The following NFKBID variants were observed in gnomAD, a reference collection of about 807,000 sequenced individuals.
NFKBID encodes the protein NF-kappa-B inhibitor delta.
NFKBID carries 26 observed loss-of-function variants against 53.4 expected under a neutral mutation model. The ratio of observed to expected loss-of-function variants is 0.49; its 90% confidence interval spans 0.36 to 0.68. NFKBID has a LOEUF of 0.68. NFKBID is among the 30% of genes least tolerant of loss of function. The probability of loss-of-function intolerance (pLI) is 0.00; values close to 1 mark genes in which losing one functional copy is unlikely to be tolerated. For synonymous variants in NFKBID, 262 were observed against 259.8 expected (o/e 1.01, Z -0.08); for missense variants, 493 against 614.1 (o/e 0.80, Z 2.08).
At chr19:35,902,071 C>A (rs1975580387), upstream of NFKBID, 1 of 672,212 alleles carries the variant, frequency 1.5e-6, no homozygotes, top group Non-Finnish European at 2.7e-6. Flanking sequence ...TCCAGACCAG[C>A]CTTATCCCCT....
At chr19:35,901,890 AG>A (rs1975577172), upstream of NFKBID, 4 of 438,704 alleles carry the variant, frequency 9.1e-6, no homozygotes, top group African/African-American at 6.0e-5. Flanking sequence ...CCATGCTCTC[AG>A]GGGTCCCCTC....
At chr19:35,897,109 G>A in intron 4 of NFKBID, 51 bp from the exon 5 acceptor site, 1 of 1,567,320 alleles carries the variant, frequency 6.4e-7, no homozygotes, top group Non-Finnish European at 8.6e-7. Context: ...GGGTCCTGGA[G>A]GGTGCAGGTG....
At chr19:35,895,544 G>A (rs945801755) in intron 9 of NFKBID, among the ~76,000 whole-genome samples, 5 of 152,060 alleles carry the variant, frequency 3.3e-5, no homozygotes. Context: ...GCTCACGCCT[G>A]TAATCACAGC....
At chr19:35,888,603 G>T in exon 12 of NFKBID, 1 of 1,571,320 alleles carries the variant, frequency 6.4e-7, no homozygotes, top group Non-Finnish European at 8.6e-7. Flanking sequence ...CTCTTCAACA[G>T]CTGCCGGAGC....
exon 5 of NFKBID, chr19:35,897,031 G>T (rs746750069): frequency 3.1e-6 from 5 of 1,604,238 alleles, no homozygotes; most frequent in Non-Finnish European, 4.2e-6. Flanking sequence ...GGTCCTGAAG[G>T]GGGTGCAGAA....
At chr19:35,893,135 C>T (rs1026174046) in intron 9 of NFKBID, among the ~76,000 whole-genome samples, 2 of 152,222 alleles carry the variant, frequency 1.3e-5, no homozygotes, top group African/African-American at 4.8e-5. Context: ...CACCACAGCA[C>T]TCCAGCCTGG....
chr19:35,898,488 C>G, exon 3 of NFKBID: 2 of 1,535,178 alleles, frequency 1.3e-6, no homozygotes, highest in Admixed American at 3.9e-5. Context: ...CAGCCTCATT[C>G]ACAGATGGGG....
Position 35,895,973 on chromosome 19 carries a change from C to G in NFKBID, c.1032+7G>C. ...CCCAGGGTCTGACCGCCCACATCCC[C>G]GCTCACCTGGCTGGTGTGATTAGCA... On this transcript the variant is annotated splice_region_variant and intron_variant, in intron 9 of 11. Transcript: ENST00000641389. 1.2e-6 allele frequency: 2 copies of G among 1,611,602 alleles called. No homozygotes were observed. Among genetic ancestry groups the G allele is most frequent in the Non-Finnish European group, 1.7e-6 (2 of 1,178,280 alleles).
chr19:35,890,020 G>A, exon 11 of NFKBID: 1 of 1,607,038 alleles, frequency 6.2e-7, no homozygotes, highest in Non-Finnish European at 8.5e-7. Context: ...AGGGGGCAGG[G>A]CAGCCGCCAT....
At chr19:35,901,209 G>T (rs1199662080), upstream of NFKBID, among the ~76,000 whole-genome samples, 1 of 151,956 alleles carries the variant, frequency 6.6e-6, no homozygotes, top group East Asian at 1.9e-4. Flanking sequence ...TGGGGGTAGG[G>T]GTAGGAGTGG....
chr19:35,899,167 G>A (rs965806683), intron 1 of NFKBID, among the ~76,000 whole-genome samples: 1 of 152,184 alleles, frequency 6.6e-6, no homozygotes, highest in Non-Finnish European at 1.5e-5. Context: ...TCAGCGGGTT[G>A]GTGGGGGGCC....
intron 1 of NFKBID, 109 bp from the exon 2 acceptor site, chr19:35,898,931 C>A: frequency 1.3e-6 from 1 of 762,436 alleles, no homozygotes; most frequent in Middle Eastern, 2.5e-4. Context: ...CCCTCCCGCG[C>A]GGAAAAACTG....
intron 9 of NFKBID, 36 bp from the exon 10 acceptor site, chr19:35,890,526 C>T: frequency 7.0e-7 from 1 of 1,427,560 alleles, no homozygotes; most frequent in Non-Finnish European, 9.9e-7. Flanking sequence ...CAGGGCCAGC[C>T]TCACACCTAG....
chr19:35,891,212 G>A (rs943046142), intron 9 of NFKBID, among the ~76,000 whole-genome samples: 1 of 152,156 alleles, frequency 6.6e-6, no homozygotes, highest in African/African-American at 2.4e-5. Flanking sequence ...CCACAATATT[G>A]AGCTGTTCCC....
chr19:35,895,217 T>C (rs1975052521), intron 9 of NFKBID, among the ~76,000 whole-genome samples: 1 of 151,406 alleles, frequency 6.6e-6, no homozygotes, highest in Non-Finnish European at 1.5e-5. Context: ...GGCTCACGCC[T>C]GTAATCGCAG....
rs1350815537 is a variant in NFKBID at position 35,896,705 on chromosome 19, A to T, written c.684+21T>A. On this transcript the variant is annotated intron_variant, in intron 6 of 11. Transcript: ENST00000641389. This position sits in a 1 kb window ranked among gnomAD's most constrained non-coding sequence, Gnocchi z 5.7. Reference sequence around the variant, plus strand: ...CTCCTTCCTCCCCTGAACCCAGGAGAGTTCAGGCCCCAAGCCTCACCTTGC... The same window carrying T: ...CTCCTTCCTCCCCTGAACCCAGGAGTGTTCAGGCCCCAAGCCTCACCTTGC... The T allele has an allele frequency of 6.3e-7, 1 of 1,599,944 alleles. No individual in the cohort carries two copies. The highest frequency in any genetic ancestry group is 1.1e-5 in the South Asian group (1 of 90,738).
Position 35,896,326 on chromosome 19 carries a change from T to C in NFKBID, c.832-57A>G, listed in dbSNP as rs185266522. 7 of 1,613,764 alleles carry C rather than the reference T, an allele frequency of 4.3e-6. No homozygotes were observed. The African/African-American group carries it at 5.3e-5, about 12-fold the overall frequency. ...AGGGTATCCCCTGGCCTCCTGGCCCTGGAAGCCAAAATCTGGGCAACCAGT... is the reference window on the plus strand; with the variant it reads ...AGGGTATCCCCTGGCCTCCTGGCCCCGGAAGCCAAAATCTGGGCAACCAGT... On this transcript the variant is annotated intron_variant, in intron 7 of 11. Transcript: ENST00000641389. This position sits in a 1 kb window ranked among gnomAD's most constrained non-coding sequence, Gnocchi z 5.7.
At chr19:35,902,278 C>A (rs1975587623), upstream of NFKBID, 2 of 706,970 alleles carry the variant, frequency 2.8e-6, no homozygotes, top group Admixed American at 4.0e-5. Context: ...TCAAACACAC[C>A]CACATTCATT....
Position 35,896,782 on chromosome 19 carries a change from CA to C in NFKBID, c.627del (p.Ala210ArgfsTer32). 6.2e-7 allele frequency: 1 copy of C among 1,614,004 alleles called. No individual in the cohort carries two copies. Among genetic ancestry groups the C allele is most frequent in the Non-Finnish European group, 8.5e-7 (1 of 1,179,904 alleles). ...CGGTACACCTGGAGCACCTCAGCCG[CA>C]GCATATGCCGCCCAGCGCAGCCCCC... On this transcript the variant is annotated frameshift_variant, in exon 6 of 12. Coordinates refer to ENST00000641389, the Ensembl canonical transcript of NFKBID. LOFTEE classifies it high-confidence loss of function. This position sits in a 1 kb window ranked among gnomAD's most constrained non-coding sequence, Gnocchi z 5.7.
Sources: gnomAD v4.1 joint callset for allele counts (sites outside exome capture counted in the v4.1 genomes callset) on GRCh38, gnomAD v4.1.1 for gene constraint, Gnocchi (gnomAD v3.1) non-coding constraint, MANE v1.5 for transcripts, NCBI Gene and HGNC (gene_info 2026-07-23, HGNC 2026-07-21) for gene names.